KLHL13: variants seen among roughly 807,000 people sequenced by gnomAD.
KLHL13 encodes the protein kelch-like protein 13.
KLHL13 carries 10 observed loss-of-function variants against 37.1 expected under a neutral mutation model. The observed-to-expected ratio is 0.27, with a 90% CI of 0.17 to 0.46. The LOEUF (loss-of-function observed/expected upper bound fraction) is 0.46, where lower values mean the gene tolerates loss of function less well. Among genes scored for constraint, KLHL13 ranks in the 20% least tolerant of loss-of-function variants. The pLI is 1.00. For missense variants in KLHL13, 360 were observed against 509.3 expected (o/e 0.71, Z 2.82); for synonymous variants, 163 against 181.2 (o/e 0.90, Z 0.81).
intron 1 of KLHL13, among the ~76,000 whole-genome samples, chrX:118,060,538 A>G (rs924578997): frequency 3.6e-5 from 4 of 111,125 alleles, no homozygotes; most frequent in African/African-American, 1.3e-4. Flanking sequence ...TCCACGTACC[A>G]GACACTTTAC....
chrX:118,072,728 C>G (rs1381958501), intron 1 of KLHL13, among the ~76,000 whole-genome samples: 2 of 112,231 alleles, frequency 1.8e-5, no homozygotes, highest in Non-Finnish European at 3.8e-5. Context: ...TATTCTGAAG[C>G]TATGCAATAG....
intron 1 of KLHL13, among the ~76,000 whole-genome samples, chrX:118,077,409 A>G (rs12013376): frequency 0.073 from 8,005 of 108,983 alleles, 254 homozygotes; most frequent in Middle Eastern, 0.13. Context: ...GTGTGGGAGT[A>G]TAAAAGTATA....
At chrX:117,982,040 T>C (rs1409278088) in intron 1 of KLHL13, among the ~76,000 whole-genome samples, 3 of 110,551 alleles carry the variant, frequency 2.7e-5, no homozygotes, top group African/African-American at 9.9e-5. Flanking sequence ...CAGTGAGTTA[T>C]TTCAGTCATC....
At chrX:117,988,151 T>C (rs2053749346) in intron 1 of KLHL13, among the ~76,000 whole-genome samples, 1 of 112,131 alleles carries the variant, frequency 8.9e-6, no homozygotes. Flanking sequence ...CATTTTATAT[T>C]ATATTTTGAT....
At chrX:118,031,221 T>C (rs1184243768) in intron 1 of KLHL13, among the ~76,000 whole-genome samples, 1 of 109,568 alleles carries the variant, frequency 9.1e-6, no homozygotes, top group Non-Finnish European at 1.9e-5. Flanking sequence ...GAAGGAGATA[T>C]TCAAGTTGAA....
intron 1 of KLHL13, among the ~76,000 whole-genome samples, chrX:118,083,035 A>T (rs947593884): frequency 2.7e-5 from 3 of 111,882 alleles, no homozygotes; most frequent in African/African-American, 9.7e-5. Flanking sequence ...CTTTTTGCTA[A>T]GGATAGCTTT....
At chrX:117,930,583 G>A (rs939677854) in intron 2 of KLHL13, among the ~76,000 whole-genome samples, 1 of 111,529 alleles carries the variant, frequency 9.0e-6, no homozygotes. Flanking sequence ...CTATCACTTC[G>A]ACACTAGCAA....
At chrX:118,083,913 T>C (rs1205923211) in intron 1 of KLHL13, among the ~76,000 whole-genome samples, 2 of 111,894 alleles carry the variant, frequency 1.8e-5, no homozygotes, top group South Asian at 3.7e-4. Context: ...ACTATGCATC[T>C]AGTTTAATAA....
chrX:118,042,038 C>T (rs1042795974), intron 1 of KLHL13, among the ~76,000 whole-genome samples: 1 of 110,895 alleles, frequency 9.0e-6, no homozygotes, highest in Non-Finnish European at 1.9e-5. Flanking sequence ...CAAATGGAAA[C>T]CAAAAAAAGA....
chrX:118,035,104 T>C (rs2054419209), intron 1 of KLHL13, among the ~76,000 whole-genome samples: 1 of 103,100 alleles, frequency 9.7e-6, no homozygotes, highest in Non-Finnish European at 1.9e-5. Context: ...TAATCAATGG[T>C]TTACCAACCA....
intron 1 of KLHL13, among the ~76,000 whole-genome samples, chrX:117,953,845 C>T (rs1933769238): frequency 8.9e-6 from 1 of 111,852 alleles, no homozygotes; most frequent in Admixed American, 9.5e-5. Flanking sequence ...ATCTGAAGAT[C>T]ACTTACTTTT....
At chrX:118,077,401 G>A in intron 1 of KLHL13, among the ~76,000 whole-genome samples, 1 of 109,532 alleles carries the variant, frequency 9.1e-6, no homozygotes. Context: ...TGTGGAGGGT[G>A]TGGGAGTATA....
rs180949959 is a variant in KLHL13, at chrX:118,014,354, T to C, written c.-55-68779A>G. On this transcript the variant is annotated intron_variant, in intron 1 of 6. Transcript: ENST00000371882. Reference sequence around the variant, plus strand: ...TTGAGATAAGGACTGAAATACACCCTGGTCTCCTGCAGTGCCTTCAGGCTT... The same window carrying C: ...TTGAGATAAGGACTGAAATACACCCCGGTCTCCTGCAGTGCCTTCAGGCTT... Among the ~76,000 whole-genome samples, 6 of 111,999 alleles carry C rather than the reference T, an allele frequency of 5.4e-5. No individual in the cohort carries two copies. The East Asian group carries it at 1.7e-3, about 32-fold the overall frequency.
chrX:117,971,214 AT>A (rs2053517740), intron 1 of KLHL13, among the ~76,000 whole-genome samples: 1 of 111,781 alleles, frequency 8.9e-6, no homozygotes, highest in South Asian at 3.7e-4. Flanking sequence ...ACAATCAAAT[AT>A]AGTAGGAATA....
intron 1 of KLHL13, among the ~76,000 whole-genome samples, chrX:117,952,541 A>G (rs1933674198): frequency 9.3e-6 from 1 of 107,926 alleles, no homozygotes; most frequent in Non-Finnish European, 1.9e-5. Context: ...AACAAAAGAC[A>G]AAATTGACAA....
At chrX:117,949,397 C>A in intron 1 of KLHL13, among the ~76,000 whole-genome samples, 1 of 107,411 alleles carries the variant, frequency 9.3e-6, no homozygotes, top group South Asian at 3.9e-4. Flanking sequence ...TGGGCCAAAG[C>A]AAGAGTGCTC....
At chrX:118,033,304 G>C (rs2054385220) in intron 1 of KLHL13, among the ~76,000 whole-genome samples, 1 of 111,179 alleles carries the variant, frequency 9.0e-6, no homozygotes, top group Non-Finnish European at 1.9e-5. Context: ...ATTCACCAAA[G>C]TTGAAATGAA....
intron 1 of KLHL13, among the ~76,000 whole-genome samples, chrX:118,113,616 C>T (rs1266386508): frequency 8.9e-6 from 1 of 112,132 alleles, no homozygotes. Flanking sequence ...ACAAGGTAGG[C>T]CTATTCTCTC....
intron 1 of KLHL13, among the ~76,000 whole-genome samples, chrX:118,023,661 C>G (rs2054245319): frequency 9.0e-6 from 1 of 111,524 alleles, no homozygotes; most frequent in African/African-American, 3.3e-5. Flanking sequence ...CTCCGCCTCC[C>G]AGGTTCAGGC....
Sources: gnomAD v4.1 joint callset for allele counts (sites outside exome capture counted in the v4.1 genomes callset) on GRCh38, gnomAD v4.1.1 for gene constraint, MANE v1.5 for transcripts, NCBI Gene and HGNC (gene_info 2026-07-23, HGNC 2026-07-21) for gene names.